The following CACNA1D variants were observed in gnomAD, a reference collection of about 807,000 sequenced individuals.
The protein encoded by CACNA1D is calcium voltage-gated channel subunit alpha1 D.
Under a neutral mutation model 257.1 loss-of-function variants are expected in CACNA1D, and 55 were observed. The ratio of observed to expected loss-of-function variants is 0.21; its 90% CI spans 0.17 to 0.27. The LOEUF is 0.27. Among genes scored for constraint, CACNA1D ranks in the 10% least tolerant of loss-of-function variants. The probability of loss-of-function intolerance (pLI) is 1.00; values close to 1 mark genes in which losing one functional copy is unlikely to be tolerated. For missense variants in CACNA1D, 1,876 were observed against 2,784.0 expected (o/e 0.67, Z 7.34); for synonymous variants, 980 against 1,014.9 (o/e 0.97, Z 0.65).
intron 8 of CACNA1D, among the ~76,000 whole-genome samples, chr3:53,694,134 G>C (rs1300965939): frequency 6.6e-6 from 1 of 152,218 alleles, no homozygotes; most frequent in Non-Finnish European, 1.5e-5. Flanking sequence ...CAGGGGTCCA[G>C]GAGATCAGGA....
intron 3 of CACNA1D, among the ~76,000 whole-genome samples, chr3:53,531,543 A>T (rs2091949468): frequency 6.6e-6 from 1 of 152,194 alleles, no homozygotes; most frequent in Non-Finnish European, 1.5e-5. Flanking sequence ...AACAAAGTTA[A>T]ATGATTTGGT....
chr3:53,776,142 A>G, intron 35 of CACNA1D, 97 bp downstream of exon 35: 1 of 1,140,058 alleles, frequency 8.8e-7, no homozygotes, highest in Non-Finnish European at 1.3e-6. Context: ...TCGCCTGAGG[A>G]CAATTGATGT....
intron 11 of CACNA1D, among the ~76,000 whole-genome samples, chr3:53,720,209 T>G (rs753214826): frequency 3.9e-5 from 6 of 152,208 alleles, no homozygotes; most frequent in Non-Finnish European, 7.3e-5. Flanking sequence ...GTGTACTTTT[T>G]CATCTGAGTG....
intron 3 of CACNA1D, among the ~76,000 whole-genome samples, chr3:53,612,013 CAT>C (rs1237753395): frequency 6.6e-6 from 1 of 152,184 alleles, no homozygotes; most frequent in Non-Finnish European, 1.5e-5. Context: ...AATTCCATCA[CAT>C]GTGAATTTTT....
intron 3 of CACNA1D, among the ~76,000 whole-genome samples, chr3:53,562,147 C>T (rs2092751754): frequency 6.6e-6 from 1 of 152,216 alleles, no homozygotes; most frequent in Non-Finnish European, 1.5e-5. Context: ...TGGCATTACC[C>T]TCTCTTGAGA....
chr3:53,649,598 T>C (rs1398765366), intron 3 of CACNA1D, among the ~76,000 whole-genome samples: 1 of 152,170 alleles, frequency 6.6e-6, no homozygotes, highest in Non-Finnish European at 1.5e-5. Flanking sequence ...CCTGGTACAG[T>C]GCCTGTCATT....
At chr3:53,586,328 C>T (rs1467795187) in intron 3 of CACNA1D, among the ~76,000 whole-genome samples, 3 of 148,452 alleles carry the variant, frequency 2.0e-5, no homozygotes, top group South Asian at 2.1e-4. Context: ...GTGCATTCCT[C>T]CTTGGAAGAT....
At chr3:53,507,905 T>C (rs1461266456) in intron 3 of CACNA1D, among the ~76,000 whole-genome samples, 1 of 152,068 alleles carries the variant, frequency 6.6e-6, no homozygotes, top group East Asian at 1.9e-4. Flanking sequence ...AAAGTGCGTA[T>C]GTATGTACAA....
intron 8 of CACNA1D, among the ~76,000 whole-genome samples, chr3:53,693,429 T>C (rs889467034): frequency 7.9e-5 from 12 of 152,030 alleles, no homozygotes; most frequent in African/African-American, 2.7e-4. Context: ...ATTAAAAATT[T>C]TTTAAATTGT....
rs531401759 is a variant in CACNA1D, at chr3:53,714,406, C to T, written c.1391-3895C>T. ...GCCAGTTAGGAGAAGCCCATGTATT[C>T]GGGTAATTTGCCCATGGCTTTACCT... On this transcript the variant is annotated intron_variant, in intron 9 of 47. Coordinates refer to ENST00000350061, the MANE Select transcript of CACNA1D (RefSeq NM_001128840.3). Among the ~76,000 whole-genome samples, 7 of 152,320 alleles carry T rather than the reference C, an allele frequency of 4.6e-5. No homozygotes were observed. In the South Asian group the frequency reaches 6.2e-4, roughly 14 times the overall value.
At chr3:53,545,987 A>G (rs1196328809) in intron 3 of CACNA1D, among the ~76,000 whole-genome samples, 2 of 152,184 alleles carry the variant, frequency 1.3e-5, no homozygotes, top group African/African-American at 2.4e-5. Flanking sequence ...GCCTTTTGGA[A>G]TGGAGAACTG....
chr3:53,744,090 G>A (rs765811649), intron 22 of CACNA1D, among the ~76,000 whole-genome samples: 34 of 152,156 alleles, frequency 2.2e-4, no homozygotes, highest in Non-Finnish European at 4.7e-4. Context: ...GCAGAAAGCT[G>A]CATTCTCTTG....
chr3:53,753,477 GCCC>G, intron 28 of CACNA1D, 92 bp from the exon 29 acceptor site: 1 of 852,128 alleles, frequency 1.2e-6, no homozygotes, highest in Non-Finnish European at 2.0e-6. Context: ...TGTGGAGGAT[GCCC>G]ACAGGGGCAC....
Position 53,811,610 on chromosome 3 carries a change from A to C in CACNA1D, c.*204A>C. On this transcript the variant is annotated 3_prime_UTR_variant, in exon 48 of 48. Coordinates refer to ENST00000350061, the MANE Select transcript of CACNA1D (RefSeq NM_001128840.3). This position sits in a 1 kb window ranked among gnomAD's most constrained non-coding sequence, Gnocchi z 4.2. ...AAGCGGTTGAGCCTGGCAGAGTACC[A>C]TGCGCTCGGCCCCAGCTGCAGGAAA... 2.0e-6 allele frequency: 1 copy of C among 496,684 alleles called. No homozygotes were observed. 30.8% of individuals were successfully genotyped at this position (496,684 alleles called of 1,614,324 possible).
intron 20 of CACNA1D, among the ~76,000 whole-genome samples, chr3:53,738,218 A>T (rs2095077994): frequency 6.6e-6 from 1 of 152,144 alleles, no homozygotes; most frequent in African/African-American, 2.4e-5. Context: ...TGCCTCCAGG[A>T]CTCTGTTGGG....
chr3:53,535,485 G>A (rs1474197845), intron 3 of CACNA1D, among the ~76,000 whole-genome samples: 1 of 152,194 alleles, frequency 6.6e-6, no homozygotes, highest in African/African-American at 2.4e-5. Flanking sequence ...GACCTGGGGG[G>A]TGAATATTGA....
intron 40 of CACNA1D, among the ~76,000 whole-genome samples, chr3:53,790,632 G>A (rs1361082488): frequency 6.6e-6 from 1 of 152,228 alleles, no homozygotes; most frequent in East Asian, 1.9e-4. Flanking sequence ...GCCTGTGCCC[G>A]AGCCGCCAGT....
At chr3:53,553,062 C>T (rs3774443) in intron 3 of CACNA1D, among the ~76,000 whole-genome samples, 12,206 of 152,238 alleles carry the variant, frequency 0.08, 1,344 homozygotes, top group African/African-American at 0.25. Context: ...GCTACCTGCA[C>T]GTGCATGAAA....
At chr3:53,708,580 C>T (rs1001654164) in intron 9 of CACNA1D, among the ~76,000 whole-genome samples, 1 of 152,206 alleles carries the variant, frequency 6.6e-6, no homozygotes, top group African/African-American at 2.4e-5. Context: ...CTTCAGCCTC[C>T]TAAGAGCTGA....
Sources: allele counts gnomAD v4.1 joint callset (sites outside exome capture counted in the v4.1 genomes callset), GRCh38; gene constraint gnomAD v4.1.1; non-coding constraint Gnocchi (gnomAD v3.1); transcripts MANE v1.5; gene names NCBI Gene and HGNC (gene_info 2026-07-23, HGNC 2026-07-21).